Variants in RBFOX1 observed in about 807,000 individuals in gnomAD.
RBFOX1 encodes RNA binding protein fox-1 homolog 1.
Under a neutral mutation model 57.7 loss-of-function variants are expected in RBFOX1, and 8 were observed. The ratio of observed to expected loss-of-function variants is 0.14; its 90% CI spans 0.08 to 0.25. The LOEUF is 0.25. RBFOX1 is among the 10% of genes least tolerant of loss of function. The probability of loss-of-function intolerance (pLI) is 1.00; values close to 1 mark genes in which losing one functional copy is unlikely to be tolerated. For synonymous variants in RBFOX1, 326 were observed against 222.4 expected, an observed-to-expected ratio of 1.47 and a Z score of -4.15; for missense variants, 611 against 548.5, an observed-to-expected ratio of 1.11 and a Z score of -1.14.
intron 2 of RBFOX1, among the ~76,000 whole-genome samples, chr16:6,637,900 A>C (rs888471111): frequency 6.6e-6 from 1 of 152,150 alleles, no homozygotes; most frequent in African/African-American, 2.4e-5. Flanking sequence ...ATTACATTTT[A>C]CAGGGATTTT....
intron 3 of RBFOX1, among the ~76,000 whole-genome samples, chr16:6,688,209 C>T (rs964269731): frequency 6.6e-6 from 1 of 151,620 alleles, no homozygotes; most frequent in South Asian, 2.1e-4. Flanking sequence ...GCAGGCGTGT[C>T]TTAGGTGGCT....
intron 2 of RBFOX1, among the ~76,000 whole-genome samples, chr16:5,488,700 G>T (rs1374670633): frequency 1.4e-5 from 2 of 145,494 alleles, no homozygotes; most frequent in Non-Finnish European, 3.0e-5. Context: ...TGATGATGAT[G>T]GAAGATGATG....
chr16:6,280,785 C>T (rs1184884694), intron 1 of RBFOX1, among the ~76,000 whole-genome samples: 2 of 152,082 alleles, frequency 1.3e-5, no homozygotes, highest in Non-Finnish European at 2.9e-5. Flanking sequence ...CTCACAGCTA[C>T]ACTGAACAGG....
At chr16:7,315,913 ATC>A (rs1892645204) in intron 4 of RBFOX1, among the ~76,000 whole-genome samples, 2 of 152,266 alleles carry the variant, frequency 1.3e-5, no homozygotes, top group African/African-American at 4.8e-5. Flanking sequence ...TTACTAAACA[ATC>A]TATTTTTCAA....
chr16:7,450,295 G>T (rs901234982), intron 4 of RBFOX1, among the ~76,000 whole-genome samples: 3 of 151,062 alleles, frequency 2.0e-5, no homozygotes, highest in East Asian at 3.9e-4. Flanking sequence ...TTGGGAGGCT[G>T]AGGCAGGAGA....
chr16:5,951,568 G>C (rs947279930), intron 4 of RBFOX1, among the ~76,000 whole-genome samples: 1 of 152,010 alleles, frequency 6.6e-6, no homozygotes, highest in African/African-American at 2.4e-5. Context: ...TTTTTGTTGA[G>C]TTTGCTGGTT....
At chr16:7,655,488 T>A (rs541691747) in intron 12 of RBFOX1, among the ~76,000 whole-genome samples, 1 of 152,366 alleles carries the variant, frequency 6.6e-6, no homozygotes, top group East Asian at 1.9e-4. Flanking sequence ...GCCTTTTATG[T>A]GACCATGCAA....
chr16:5,395,959 T>C (rs2066541099), intron 1 of RBFOX1, among the ~76,000 whole-genome samples: 1 of 152,186 alleles, frequency 6.6e-6, no homozygotes, highest in Non-Finnish European at 1.5e-5. Flanking sequence ...AGCAGATTTT[T>C]CCCCATTTAA....
chr16:6,444,514 C>T (rs1161471126), intron 2 of RBFOX1, among the ~76,000 whole-genome samples: 1 of 152,192 alleles, frequency 6.6e-6, no homozygotes, highest in Non-Finnish European at 1.5e-5. Context: ...AGAAGTTTCC[C>T]TGCACAAGCT....
intron 3 of RBFOX1, among the ~76,000 whole-genome samples, chr16:6,933,849 TC>T (rs2076948964): frequency 6.6e-6 from 1 of 152,196 alleles, no homozygotes; most frequent in Non-Finnish European, 1.5e-5. Context: ...TCTTAAGAAA[TC>T]AATAATTGGG....
intron 3 of RBFOX1, among the ~76,000 whole-genome samples, chr16:6,780,398 T>TTATATATATA (rs1555461281): frequency 4.8e-4 from 38 of 79,724 alleles, no homozygotes; most frequent in East Asian, 3.3e-3. Context: ...TTATATATAT[T>TTATATATATA]TTTATATATA....
chr16:7,275,808 T>TG (rs1317384413), intron 4 of RBFOX1, among the ~76,000 whole-genome samples: 1 of 152,200 alleles, frequency 6.6e-6, no homozygotes, highest in Non-Finnish European at 1.5e-5. Context: ...TAGCTTTACA[T>TG]GTTGCCTAGT....
chr16:6,852,639 G>A (rs751395070), intron 3 of RBFOX1, among the ~76,000 whole-genome samples: 2 of 152,008 alleles, frequency 1.3e-5, no homozygotes, highest in African/African-American at 4.8e-5. Context: ...TCTGGGAGAG[G>A]TACATGCTGG....
chr16:6,214,484 G>A (rs1286087671), intron 1 of RBFOX1, among the ~76,000 whole-genome samples: 1 of 142,766 alleles, frequency 7.0e-6, no homozygotes, highest in Admixed American at 7.0e-5. Context: ...AGGAGAGGGG[G>A]AGAGGGAGAC....
chr16:6,111,078 A>G (rs1597398380), intron 1 of RBFOX1, among the ~76,000 whole-genome samples: 1 of 152,216 alleles, frequency 6.6e-6, no homozygotes, highest in East Asian at 1.9e-4. Context: ...CTCATGCTAG[A>G]CTTAGGAAGT....
intron 3 of RBFOX1, among the ~76,000 whole-genome samples, chr16:6,939,865 C>A (rs920732950): frequency 2.6e-5 from 4 of 152,136 alleles, no homozygotes; most frequent in Non-Finnish European, 5.9e-5. Flanking sequence ...CATGTCAAGG[C>A]TCTTTGTAAT....
At chr16:6,806,836 A>ATATATATATATATATATT (rs754342591) in intron 3 of RBFOX1, among the ~76,000 whole-genome samples, 36 of 91,862 alleles carry the variant, frequency 3.9e-4, no homozygotes, top group Non-Finnish European at 6.2e-4. Flanking sequence ...ATATATATAT[A>ATATATATATATATATATT]TTTTTTTTTT....
chr16:7,701,122 C>CT (rs1220328537), intron 14 of RBFOX1, among the ~76,000 whole-genome samples: 1 of 150,252 alleles, frequency 6.7e-6, no homozygotes, highest in Admixed American at 6.6e-5. Context: ...AAGTTAAGCG[C>CT]TTTAAAGACA....
At chr16:5,555,773 G>C (rs899154885) in intron 2 of RBFOX1, among the ~76,000 whole-genome samples, 2 of 151,644 alleles carry the variant, frequency 1.3e-5, no homozygotes, top group Admixed American at 1.3e-4. Flanking sequence ...TGTAATCCCA[G>C]CACTTTGGGA....
Sources: allele counts gnomAD v4.1 joint callset (sites outside exome capture counted in the v4.1 genomes callset), GRCh38; gene constraint gnomAD v4.1.1; transcripts MANE v1.5; gene names NCBI Gene and HGNC (gene_info 2026-07-23, HGNC 2026-07-21).